Variants in FOXC1 observed in about 807,000 individuals in gnomAD.
FOXC1 encodes the protein forkhead box protein C1.
FOXC1 carries 5 observed loss-of-function variants against 8.1 expected under a neutral mutation model. The ratio of observed to expected loss-of-function variants is 0.62; its 90% CI spans 0.32 to 1.30. The LOEUF (loss-of-function observed/expected upper bound fraction) is 1.30, where lower values mean the gene tolerates loss of function less well. Among genes scored for constraint, FOXC1 ranks in the 50% most tolerant of loss-of-function variants. The pLI is 0.05. For missense variants in FOXC1, 942 were observed against 858.0 expected (o/e 1.10, Z -1.22); for synonymous variants, 552 against 417.2 (o/e 1.32, Z -3.94).
Position 1,611,304 on chromosome 6 carries a change from G to A in FOXC1, c.859G>A (p.Gly287Ser). ...GTCGGCGCGGCCGCTCAGCCTGGAC[G>A]GTGCGGATTCCGCGCCGCCGCCGCC... Reference protein sequence around the residue: ...LPSARPLSLDGADSAPPPPAP... With the variant: ...LPSARPLSLDSADSAPPPPAP... The change falls in exon 1 of 1, where the codon GGT becomes AGT. Residue 287 changes from glycine (G) to serine (S), a missense_variant. Physicochemically the swap from Gly to Ser is moderately conservative, Grantham distance 56. Around this residue, in one of 4 missense-constraint regions of FOXC1, gnomAD observed 726 missense variants for 599.6 expected, o/e 1.21. Coordinates refer to ENST00000645831, the MANE Select transcript of FOXC1 (RefSeq NM_001453.3). This position sits in a 1 kb window ranked among gnomAD's most constrained non-coding sequence, Gnocchi z 7.1. 6 of 1,411,166 alleles carry A rather than the reference G, an allele frequency of 4.3e-6. No homozygotes were observed. Among genetic ancestry groups the A allele is most frequent in the African/African-American group, 1.5e-5 (1 of 65,210 alleles). The allele number at this position is 1,411,166 out of a possible 1,614,324, so 87.4% of individuals were successfully genotyped here.
Position 1,612,184 on chromosome 6 carries a change from T to TA in FOXC1, c.*89dup, listed in dbSNP as rs779316749. 0.062 allele frequency: 75,249 copies of TA among 1,213,882 alleles called. 412 individuals carry two copies. The highest frequency in any genetic ancestry group is 0.12 in the African/African-American group (7,783 of 63,182). 75.2% of individuals were successfully genotyped at this position (1,213,882 alleles called of 1,614,324 possible). ...GAACCCATCAAGGCAAAATCGAAAC[T>TA]AAAAAAAAAAAATCCAATTAAAAAA... On this transcript the variant is annotated 3_prime_UTR_variant, in exon 1 of 1. Coordinates refer to ENST00000645831, the MANE Select transcript of FOXC1 (RefSeq NM_001453.3).
In FOXC1 at chr6:1,611,151, C is replaced by G; in HGVS notation, c.706C>G (p.Pro236Ala). 6.9e-7 allele frequency: 1 copy of G among 1,440,464 alleles called. No individual in the cohort carries two copies. Among genetic ancestry groups the G allele is most frequent in the Non-Finnish European group, 9.2e-7 (1 of 1,089,286 alleles). 89.2% of individuals were successfully genotyped at this position (1,440,464 alleles called of 1,614,324 possible). A position where few individuals can be genotyped will look rare whatever the true frequency, so the allele number is the denominator to read the frequency against. ...GACCGAGAACGGTACGTGCCCCTCG[C>G]CGCCCCAGCCCCTGTCCCCGGCCGC... Reference protein sequence around the residue: ...IKTENGTCPSPPQPLSPAAAL... With the variant: ...IKTENGTCPSAPQPLSPAAAL... Residue 236 changes from proline (P) to alanine (A), a missense_variant, in exon 1 of 1, where the codon CCG (proline) becomes GCG (alanine). By Grantham distance (27) the Pro-to-Ala change is conservative (BLOSUM62 -1). Transcript: ENST00000645831. The surrounding 1 kb of genome is among the most constrained non-coding windows in gnomAD (Gnocchi z 7.1).
At position 1,612,841 on chromosome 6, in the gene FOXC1, A is replaced by T. The variant is rs35717904; in HGVS notation, c.*734A>T. ...GTTTGAATGAGACCTATATGTCTGG[A>T]TACTTTAATAGAGCTTTAATTATTA... On this transcript the variant is annotated 3_prime_UTR_variant, in exon 1 of 1. Transcript: ENST00000645831. The T allele has an allele frequency of 3.5e-3, 752 of 212,012 alleles. 4 individuals carry two copies. The highest frequency in any genetic ancestry group is 5.2e-3 in the Non-Finnish European group (497 of 95,530). 13.1% of individuals were successfully genotyped at this position (212,012 alleles called of 1,614,324 possible). A position where few individuals can be genotyped will look rare whatever the true frequency, so the allele number is the denominator to read the frequency against.
Position 1,611,061 on chromosome 6 carries a change from C to T in FOXC1, c.616C>T (p.Pro206Ser), listed in dbSNP as rs1221315711. Residue 206 changes from proline (P) to serine (S), a missense_variant, in exon 1 of 1, where the codon CCG (proline) becomes TCG (serine). By Grantham distance (74) the Pro-to-Ser change is moderately conservative. Around this residue, in one of 4 missense-constraint regions of FOXC1, gnomAD observed 726 missense variants for 599.6 expected, o/e 1.21. Coordinates refer to ENST00000645831, the MANE Select transcript of FOXC1 (RefSeq NM_001453.3). This position sits in a 1 kb window ranked among gnomAD's most constrained non-coding sequence, Gnocchi z 7.1. ...PPGRQPPPAP[P>S]EQADGNAPGP... ...CGGCCGCCAGCCCCCGCCCGCGCCGCCGGAGCAGGCCGACGGCAACGCGCC... is the reference window on the plus strand; with the variant it reads ...CGGCCGCCAGCCCCCGCCCGCGCCGTCGGAGCAGGCCGACGGCAACGCGCC... The T allele has an allele frequency of 1.4e-6, 2 of 1,451,794 alleles. No homozygotes were observed. Among genetic ancestry groups the T allele is most frequent in the Admixed American group, 5.3e-5 (2 of 37,512 alleles). 89.9% of individuals were successfully genotyped at this position (1,451,794 alleles called of 1,614,324 possible).
Position 1,610,505 on chromosome 6 carries a change from C to G in FOXC1, c.60C>G (p.Gly20=). ...PNSLGVVPYL[G]GEQSYYRAAA... ...CCCTGGGAGTGGTGCCCTACCTCGG[C>G]GGCGAGCAGAGCTACTACCGCGCGG... Residue 20 remains glycine (G), a synonymous_variant, in exon 1 of 1, where the codon GGC becomes GGG. Coordinates refer to ENST00000645831, the MANE Select transcript of FOXC1 (RefSeq NM_001453.3). The G allele has an allele frequency of 6.6e-7, 1 of 1,507,986 alleles. No individual in the cohort carries two copies. Among genetic ancestry groups the G allele is most frequent in the East Asian group, 2.5e-5 (1 of 40,300 alleles). 93.4% of individuals were successfully genotyped at this position (1,507,986 alleles called of 1,614,324 possible).
In FOXC1 at chr6:1,613,719, T is replaced by G. The variant is rs886411391; in HGVS notation, c.*1612T>G. On this transcript the variant is annotated 3_prime_UTR_variant, in exon 1 of 1. Transcript: ENST00000645831. ...GACTTTGGGGAGATGGCGATTTGAT[T>G]ACAGACGTTCGGGGGGGTGGGGGGC... The G allele has an allele frequency of 7.1e-6, 1 of 140,060 alleles. No individual in the cohort carries two copies. Among genetic ancestry groups the G allele is most frequent in the Non-Finnish European group, 1.6e-5 (1 of 64,412 alleles). The allele number at this position is 140,060 out of a possible 1,614,324, so 8.7% of individuals were successfully genotyped here.
rs1270754997 is a variant in FOXC1, at chr6:1,611,562, A to G, written c.1117A>G (p.Ser373Gly). 1.7e-6 allele frequency: 2 copies of G among 1,193,852 alleles called. No individual in the cohort carries two copies. The highest frequency in any genetic ancestry group is 1.0e-6 in the Non-Finnish European group (1 of 963,734). The allele number at this position is 1,193,852 out of a possible 1,614,324, so 74.0% of individuals were successfully genotyped here. Residue 373 changes from serine (S) to glycine (G), a missense_variant, in exon 1 of 1, where the codon AGC becomes GGC. By Grantham distance (56) the Ser-to-Gly change is moderately conservative (BLOSUM62 0). Coordinates refer to ENST00000645831, the MANE Select transcript of FOXC1 (RefSeq NM_001453.3). The surrounding 1 kb of genome is among the most constrained non-coding windows in gnomAD (Gnocchi z 7.1). The part of the protein sequence containing the change: ...SPCSQTSSAG[S>G]SGGGGGGAGA... ...CTGCAGCCAGACCTCCAGCGCGGGCAGCTCGGGCGGCGGCGGCGGCGGCGC... is the reference window on the plus strand; with the variant it reads ...CTGCAGCCAGACCTCCAGCGCGGGCGGCTCGGGCGGCGGCGGCGGCGGCGC...
rs1413116193 is a variant in FOXC1 at position 1,610,375 on chromosome 6, G to C, written c.-71G>C. ...GGGCCCGGACTCGGACTCGGCGGCC[G>C]GCGCGGCGCGGCCCGGCCCGAGCGA... On this transcript the variant is annotated 5_prime_UTR_variant, in exon 1 of 1. Coordinates refer to ENST00000645831, the MANE Select transcript of FOXC1 (RefSeq NM_001453.3). 12 of 885,646 alleles carry C rather than the reference G, an allele frequency of 1.4e-5. No individual in the cohort carries two copies. The highest frequency in any genetic ancestry group is 1.8e-5 in the African/African-American group (1 of 54,960). 54.9% of individuals were successfully genotyped at this position (885,646 alleles called of 1,614,324 possible). A position where few individuals can be genotyped will look rare whatever the true frequency, so the allele number is the denominator to read the frequency against.
rs1188314137 is a variant in FOXC1 at position 1,611,811 on chromosome 6, G to C, written c.1366G>C (p.Gly456Arg). The C allele has an allele frequency of 6.7e-7, 1 of 1,485,674 alleles. No homozygotes were observed. Among genetic ancestry groups the C allele is most frequent in the African/African-American group, 1.5e-5 (1 of 67,744 alleles). The allele number at this position is 1,485,674 out of a possible 1,614,324, so 92.0% of individuals were successfully genotyped here. Residue 456 changes from glycine (G) to arginine (R), a missense_variant, in exon 1 of 1, where the codon GGC becomes CGC. Physicochemically the swap from Gly to Arg is moderately radical, Grantham distance 125. Around this residue, in one of 4 missense-constraint regions of FOXC1, gnomAD observed 726 missense variants for 599.6 expected, o/e 1.21. Transcript: ENST00000645831. This position sits in a 1 kb window ranked among gnomAD's most constrained non-coding sequence, Gnocchi z 7.1. ...CGGCGGCGGCGGCGGCGGCGGGGGA[G>C]GCCAGGAGGCCGGCCACCACCCTGC... ...HGGGGGGGGG[G>R]QEAGHHPAAH...
chr6:1,611,881 G>C lies in FOXC1; in HGVS notation c.1436G>C (p.Gly479Ala), dbSNP rs1477778731. 1.9e-6 allele frequency: 3 copies of C among 1,538,802 alleles called. No homozygotes were observed. Among genetic ancestry groups the C allele is most frequent in the Middle Eastern group, 1.7e-4 (1 of 5,864 alleles). Residue 479 changes from glycine (G) to alanine (A), a missense_variant, in exon 1 of 1, where the codon GGC (glycine) becomes GCC (alanine). By Grantham distance (60) the Gly-to-Ala change is moderately conservative (BLOSUM62 0). This residue lies in a region of FOXC1 where 726 missense variants were observed against 599.6 expected (regional missense o/e 1.21). Coordinates refer to ENST00000645831, the MANE Select transcript of FOXC1 (RefSeq NM_001453.3). The surrounding 1 kb of genome is among the most constrained non-coding windows in gnomAD (Gnocchi z 7.1). ...RLTSWYLNQAGGDLGHLASAA... is the reference protein window; with the variant it reads ...RLTSWYLNQAAGDLGHLASAA... ...ACCTCGTGGTACCTGAACCAGGCGG[G>C]CGGAGACCTGGGCCACTTGGCGAGC... is the stretch of plus-strand genomic sequence containing the variant.
At position 1,612,259 on chromosome 6, in the gene FOXC1, A is replaced by T. The variant is rs1762571563; in HGVS notation, c.*152A>T. On this transcript the variant is annotated 3_prime_UTR_variant, in exon 1 of 1. Coordinates refer to ENST00000645831, the MANE Select transcript of FOXC1 (RefSeq NM_001453.3). ...CAGCGAACAGAATATCCCTCCAAAAATTCAGCTCACCAGCACCAGCACGAA... is the reference window on the plus strand; with the variant it reads ...CAGCGAACAGAATATCCCTCCAAAATTTCAGCTCACCAGCACCAGCACGAA... The T allele has an allele frequency of 8.3e-7, 1 of 1,211,736 alleles. No homozygotes were observed. Among genetic ancestry groups the T allele is most frequent in the African/African-American group, 1.5e-5 (1 of 64,532 alleles). 75.1% of individuals were successfully genotyped at this position (1,211,736 alleles called of 1,614,324 possible). A position where few individuals can be genotyped will look rare whatever the true frequency, so the allele number is the denominator to read the frequency against.
Position 1,612,477 on chromosome 6 carries a change from C to A in FOXC1, c.*370C>A. 2.4e-6 allele frequency: 1 copy of A among 418,906 alleles called. No individual in the cohort carries two copies. Among genetic ancestry groups the A allele is most frequent in the Non-Finnish European group, 4.5e-6 (1 of 222,340 alleles). The allele number at this position is 418,906 out of a possible 1,614,324, so 25.9% of individuals were successfully genotyped here. ...GCTTTCCCCTCCTCCCGTCTCCCCT[C>A]TCTTGCCTTCTTCCTTGCCTCTCAC... On this transcript the variant is annotated 3_prime_UTR_variant, in exon 1 of 1. Transcript: ENST00000645831.
Position 1,611,461 on chromosome 6 carries a change from C to T in FOXC1, c.1016C>T (p.Ser339Phe), listed in dbSNP as rs748359636. 4.6e-5 allele frequency: 64 copies of T among 1,385,202 alleles called. No homozygotes were observed. Among genetic ancestry groups the T allele is most frequent in the East Asian group, 6.5e-5 (2 of 30,672 alleles). The allele number at this position is 1,385,202 out of a possible 1,614,324, so 85.8% of individuals were successfully genotyped here. ...SSGLLASAAASSRAGIAPPLA... is the reference protein window; with the variant it reads ...SSGLLASAAAFSRAGIAPPLA... ...GGCCTTCTGGCCTCGGCGGCCGCGT[C>T]CTCGCGCGCGGGGATCGCACCCCCG... The change falls in exon 1 of 1, where the codon TCC (serine) becomes TTC (phenylalanine). Residue 339 changes from serine (S) to phenylalanine (F), a missense_variant. Physicochemically the swap from Ser to Phe is radical, Grantham distance 155. Transcript: ENST00000645831. The surrounding 1 kb of genome is among the most constrained non-coding windows in gnomAD (Gnocchi z 7.1).
rs35974174 is a variant in FOXC1, at chr6:1,610,652, G to T, written c.207G>T (p.Pro69=). 2.0e-4 allele frequency: 320 copies of T among 1,613,112 alleles called. 2 individuals carry two copies. The African/African-American group carries it at 3.7e-3, about 19-fold the overall frequency. Residue 69 remains proline (P), a synonymous_variant, in exon 1 of 1, where the codon CCG becomes CCT. Transcript: ENST00000645831. ...CCCGCGCCTACGGGCCCTACACGCC[G>T]CAGCCGCAGCCCAAGGACATGGTGA... is the stretch of plus-strand genomic sequence containing the variant. ...GMARAYGPYT[P]QPQPKDMVKP...
chr6:1,611,160 C>T lies in FOXC1; in HGVS notation c.715C>T (p.Pro239Ser), dbSNP rs760782734. The T allele has an allele frequency of 2.8e-6, 4 of 1,453,380 alleles. No homozygotes were observed. Among genetic ancestry groups the T allele is most frequent in the Non-Finnish European group, 3.6e-6 (4 of 1,097,802 alleles). 90.0% of individuals were successfully genotyped at this position (1,453,380 alleles called of 1,614,324 possible). Residue 239 changes from proline to serine, a missense_variant, in exon 1 of 1, where the codon CCC becomes TCC. Pro to Ser is a moderately conservative substitution (Grantham distance 74). Transcript: ENST00000645831. The surrounding 1 kb of genome is among the most constrained non-coding windows in gnomAD (Gnocchi z 7.1). Reference sequence around the variant, plus strand: ...CGGTACGTGCCCCTCGCCGCCCCAGCCCCTGTCCCCGGCCGCCGCCCTGGG... The same window carrying T: ...CGGTACGTGCCCCTCGCCGCCCCAGTCCCTGTCCCCGGCCGCCGCCCTGGG... ...ENGTCPSPPQPLSPAAALGSG... is the reference protein window; with the variant it reads ...ENGTCPSPPQSLSPAAALGSG...
Position 1,611,805 on chromosome 6 carries a change from G to A in FOXC1, c.1360G>A (p.Gly454Arg). The change falls in exon 1 of 1, where the codon GGG becomes AGG. Residue 454 changes from glycine (G) to arginine (R), a missense_variant. This residue lies in a region of FOXC1 where 726 missense variants were observed against 599.6 expected (regional missense o/e 1.21). Transcript: ENST00000645831. The surrounding 1 kb of genome is among the most constrained non-coding windows in gnomAD (Gnocchi z 7.1). ...TCACGGCGGCGGCGGCGGCGGCGGC[G>A]GGGGAGGCCAGGAGGCCGGCCACCA... is the stretch of plus-strand genomic sequence containing the variant. The part of the protein sequence containing the change: ...LSHGGGGGGG[G>R]GGQEAGHHPA... 6.8e-7 allele frequency: 1 copy of A among 1,463,532 alleles called. No homozygotes were observed. Among genetic ancestry groups the A allele is most frequent in the East Asian group, 2.9e-5 (1 of 34,130 alleles). 90.7% of individuals were successfully genotyped at this position (1,463,532 alleles called of 1,614,324 possible). A position where few individuals can be genotyped will look rare whatever the true frequency, so the allele number is the denominator to read the frequency against.
At position 1,611,928 on chromosome 6, in the gene FOXC1, G is replaced by T. The variant is rs772158545; in HGVS notation, c.1483G>T (p.Ala495Ser). 3.2e-6 allele frequency: 5 copies of T among 1,566,836 alleles called. No individual in the cohort carries two copies. In the African/African-American group the frequency reaches 6.8e-5, roughly 21 times the overall value. ...GAGCGCGGCGGCGGCGGCGGCGGCCGCAGGCTACCCGGGCCAGCAGCAGAA... is the reference window on the plus strand; with the variant it reads ...GAGCGCGGCGGCGGCGGCGGCGGCCTCAGGCTACCCGGGCCAGCAGCAGAA... ...LASAAAAAAA[A>S]GYPGQQQNFH... Residue 495 changes from alanine (A) to serine (S), a missense_variant, in exon 1 of 1, where the codon GCA becomes TCA. Ala to Ser is a moderately conservative substitution (Grantham distance 99). This residue lies in a region of FOXC1 where 726 missense variants were observed against 599.6 expected (regional missense o/e 1.21). Transcript: ENST00000645831. The surrounding 1 kb of genome is among the most constrained non-coding windows in gnomAD (Gnocchi z 7.1).
In FOXC1 at chr6:1,611,149, C is replaced by T. The variant is rs1554100994; in HGVS notation, c.704C>T (p.Ser235Leu). The change falls in exon 1 of 1, where the codon TCG becomes TTG. Residue 235 changes from serine to leucine, a missense_variant. This residue lies in a region of FOXC1 where 726 missense variants were observed against 599.6 expected (regional missense o/e 1.21). Transcript: ENST00000645831. This position sits in a 1 kb window ranked among gnomAD's most constrained non-coding sequence, Gnocchi z 7.1. ...DIKTENGTCP[S>L]PPQPLSPAAA... ...AAGACCGAGAACGGTACGTGCCCCT[C>T]GCCGCCCCAGCCCCTGTCCCCGGCC... 1.4e-6 allele frequency: 2 copies of T among 1,440,972 alleles called. No homozygotes were observed. The highest frequency in any genetic ancestry group is 1.3e-5 in the South Asian group (1 of 75,760). 89.3% of individuals were successfully genotyped at this position (1,440,972 alleles called of 1,614,324 possible). A position where few individuals can be genotyped will look rare whatever the true frequency, so the allele number is the denominator to read the frequency against.
chr6:1,611,266 CG>C lies in FOXC1; in HGVS notation c.824del (p.Gly275AlafsTer40). On this transcript the variant is annotated frameshift_variant, in exon 1 of 1. Transcript: ENST00000645831. LOFTEE classifies it low-confidence loss of function (END_TRUNC). The surrounding 1 kb of genome is among the most constrained non-coding windows in gnomAD (Gnocchi z 7.1). ...SSSLSSGSSP[P>X]GSLPSARPLS... is the part of the protein sequence containing the mutation. ...AGCCTGTCCAGCGGGAGCAGCCCCC[CG>C]GGCAGCCTGCCGTCGGCGCGGCCGC... The C allele has an allele frequency of 7.1e-7, 1 of 1,400,974 alleles. No homozygotes were observed. The highest frequency in any genetic ancestry group is 1.4e-5 in the South Asian group (1 of 69,650). The allele number at this position is 1,400,974 out of a possible 1,614,324, so 86.8% of individuals were successfully genotyped here.
Sources: allele counts gnomAD v4.1 joint callset, GRCh38; gene constraint gnomAD v4.1.1; regional missense constraint gnomAD v4.1.1; non-coding constraint Gnocchi (gnomAD v3.1); transcripts MANE v1.5; gene names NCBI Gene and HGNC (gene_info 2026-07-23, HGNC 2026-07-21).